RHEX: variants seen among roughly 807,000 people sequenced by gnomAD.
RHEX encodes the protein regulator of hemoglobinization and erythroid cell expansion.
In RHEX, 18 loss-of-function variants were observed where a neutral mutation model predicts 20.1. The ratio of observed to expected loss-of-function variants is 0.90; its 90% CI spans 0.62 to 1.33. The LOEUF (loss-of-function observed/expected upper bound fraction) is 1.33. RHEX is among the 40% of genes most tolerant of loss of function. The pLI is 0.00. For synonymous variants in RHEX, 87 were observed against 77.1 expected, an observed-to-expected ratio of 1.13 and a Z score of -0.67; for missense variants, 192 against 214.3, an observed-to-expected ratio of 0.90 and a Z score of 0.65.
intron 1 of RHEX, chr1:206,083,704 T>C: frequency 2.2e-6 from 2 of 905,220 alleles, no homozygotes; most frequent in Non-Finnish European, 2.6e-6. Flanking sequence ...TGTGCATTTG[T>C]TTGCGAGCAT....
At chr1:206,059,199 A>C (rs1467423947) in intron 1 of RHEX, among the ~76,000 whole-genome samples, 2 of 152,082 alleles carry the variant, frequency 1.3e-5, no homozygotes, top group Non-Finnish European at 2.9e-5. Flanking sequence ...TGCATGGTTC[A>C]TGACTGGCAC....
At chr1:206,057,975 A>G (rs1553282822) in intron 1 of RHEX, among the ~76,000 whole-genome samples, 2 of 152,270 alleles carry the variant, frequency 1.3e-5, no homozygotes, top group African/African-American at 4.8e-5. Context: ...CTATCTATCA[A>G]AATAGACTAG....
intron 1 of RHEX, among the ~76,000 whole-genome samples, chr1:206,064,789 A>G (rs1239484445): frequency 7.9e-5 from 12 of 152,250 alleles, no homozygotes; most frequent in African/African-American, 2.9e-4. Flanking sequence ...CCAGCAGCTC[A>G]TTGAGAACGG....
chr1:206,095,863 C>A (rs1663056594), intron 1 of RHEX, among the ~76,000 whole-genome samples: 1 of 151,770 alleles, frequency 6.6e-6, no homozygotes, highest in Non-Finnish European at 1.5e-5. Context: ...CAGGATCTCA[C>A]TCTGTCACCC....
At chr1:206,063,205 CA>C (rs1372245273) in intron 1 of RHEX, among the ~76,000 whole-genome samples, 1 of 152,054 alleles carries the variant, frequency 6.6e-6, no homozygotes, top group Non-Finnish European at 1.5e-5. Context: ...GTGTACCTGA[CA>C]TGGTCAAAGA....
At chr1:206,074,349 T>C (rs1662592894) in intron 1 of RHEX, among the ~76,000 whole-genome samples, 1 of 152,218 alleles carries the variant, frequency 6.6e-6, no homozygotes, top group South Asian at 2.1e-4. Context: ...GCCACATATA[T>C]AGTGGACTAT....
intron 1 of RHEX, among the ~76,000 whole-genome samples, chr1:206,071,169 G>A (rs782533454): frequency 6.6e-6 from 1 of 152,120 alleles, no homozygotes; most frequent in Non-Finnish European, 1.5e-5. Context: ...AGCCCCTGGC[G>A]CCCTACTGGT....
At chr1:206,075,011 G>C (rs1453710764) in intron 1 of RHEX, among the ~76,000 whole-genome samples, 1 of 152,214 alleles carries the variant, frequency 6.6e-6, no homozygotes, top group Non-Finnish European at 1.5e-5. Flanking sequence ...ATTACTCACT[G>C]TGTTTTTTTG....
rs1662513029 is a variant in RHEX, at chr1:206,070,934, G to A, written c.-97+17669G>A. Among the ~76,000 whole-genome samples the A allele has an allele frequency of 2.6e-5, 4 of 152,050 alleles. 1 individual carries two copies. The South Asian group carries it at 8.3e-4, about 32-fold the overall frequency. On this transcript the variant is annotated intron_variant, in intron 1 of 5. Coordinates refer to ENST00000331555, the MANE Select transcript of RHEX (RefSeq NM_001007544.4). ...GAAATAATAATGATATTGATTGATA[G>A]GTATTGGCTGATTTTATTAGGGTTC...
At chr1:206,085,315 C>T (rs1404312452) in intron 1 of RHEX, among the ~76,000 whole-genome samples, 1 of 152,144 alleles carries the variant, frequency 6.6e-6, no homozygotes, top group African/African-American at 2.4e-5. Context: ...GTAATATATG[C>T]AGTCCCAGCC....
chr1:206,064,390 G>A (rs1236345683), intron 1 of RHEX, among the ~76,000 whole-genome samples: 1 of 123,648 alleles, frequency 8.1e-6, no homozygotes, highest in South Asian at 2.8e-4. Flanking sequence ...GAGGGAGGTG[G>A]GGGGGTCAGC....
chr1:206,084,689 T>A (rs1205874027), intron 1 of RHEX, among the ~76,000 whole-genome samples: 2 of 152,200 alleles, frequency 1.3e-5, no homozygotes, highest in Non-Finnish European at 2.9e-5. Context: ...AACTACCCAA[T>A]TAAATGCCTT....
In RHEX at chr1:206,098,187, T is replaced by A. The variant is rs782068908; in HGVS notation, c.112+6T>A. On this transcript the variant is annotated splice_donor_region_variant and intron_variant, in intron 3 of 5. Coordinates refer to ENST00000331555, the MANE Select transcript of RHEX (RefSeq NM_001007544.4). ...CCTGCTCAGCAGGCACATGGGTAAC[T>A]GGCTCAGCATCCTCTTCCCTCCTAG... The A allele has an allele frequency of 6.3e-7, 1 of 1,593,338 alleles. No individual in the cohort carries two copies. Among genetic ancestry groups the A allele is most frequent in the South Asian group, 1.1e-5 (1 of 90,646 alleles).
intron 1 of RHEX, among the ~76,000 whole-genome samples, chr1:206,058,237 C>G (rs1385847311): frequency 6.6e-6 from 1 of 152,254 alleles, no homozygotes; most frequent in Non-Finnish European, 1.5e-5. Flanking sequence ...AACCTGCTTA[C>G]TGCTCCCTTG....
intron 1 of RHEX, among the ~76,000 whole-genome samples, chr1:206,094,009 C>T (rs1663013516): frequency 6.6e-6 from 1 of 152,080 alleles, no homozygotes; most frequent in Admixed American, 6.6e-5. Context: ...CCTGGCAGGG[C>T]ACTACATTAG....
chr1:206,098,561 A>G (rs569041718), intron 3 of RHEX: 32 of 186,490 alleles, frequency 1.7e-4, no homozygotes, highest in South Asian at 1.2e-3. Context: ...ACAGAAGGAA[A>G]TATGGTTGGA....
chr1:206,085,248 C>A (rs1662815733), intron 1 of RHEX, among the ~76,000 whole-genome samples: 1 of 152,146 alleles, frequency 6.6e-6, no homozygotes, highest in Non-Finnish European at 1.5e-5. Flanking sequence ...CATTGAAATG[C>A]TTTTTCCATC....
chr1:206,093,665 T>C (rs1476075849), intron 1 of RHEX, among the ~76,000 whole-genome samples: 1 of 151,986 alleles, frequency 6.6e-6, no homozygotes, highest in African/African-American at 2.4e-5. Flanking sequence ...GCATGGTGTA[T>C]GGCAGGAAAG....
chr1:206,099,727 C>A lies in RHEX; in HGVS notation c.185C>A (p.Pro62Gln). The A allele has an allele frequency of 6.2e-7, 1 of 1,613,860 alleles. No individual in the cohort carries two copies. The highest frequency in any genetic ancestry group is 8.5e-7 in the Non-Finnish European group (1 of 1,179,744). ...AGGCCCAGCCCTGGCCACCATCATC[C>A]ACCTGCTGTCAAAGAGATGAAGGAG... ...VPRPSPGHHH[P>Q]PAVKEMKETQ... The change falls in exon 4 of 6, where the codon CCA (proline) becomes CAA (glutamine). Residue 62 changes from proline (P) to glutamine (Q), a missense_variant. By Grantham distance (76) the Pro-to-Gln change is moderately conservative (BLOSUM62 -1). Coordinates refer to ENST00000331555, the MANE Select transcript of RHEX (RefSeq NM_001007544.4).
Sources: gnomAD v4.1 joint callset for allele counts (sites outside exome capture counted in the v4.1 genomes callset) on GRCh38, gnomAD v4.1.1 for gene constraint, MANE v1.5 for transcripts, NCBI Gene and HGNC (gene_info 2026-07-23, HGNC 2026-07-21) for gene names.